Variants in BCAS3 observed in about 807,000 individuals in gnomAD.
BCAS3 encodes the protein BCAS3 microtubule associated cell migration factor, also known as BCAS4/BCAS3 fusion.
In BCAS3, 53 loss-of-function variants were observed where a neutral mutation model predicts 116.1. The ratio of observed to expected loss-of-function variants is 0.46; its 90% CI spans 0.37 to 0.57. The LOEUF is 0.57. BCAS3 is among the 20% of genes least tolerant of loss of function. BCAS3 has a pLI of 0.00. For synonymous variants in BCAS3, 391 were observed against 408.2 expected, an observed-to-expected ratio of 0.96 and a Z score of 0.51; for missense variants, 917 against 1,165.4, an observed-to-expected ratio of 0.79 and a Z score of 3.10.
intron 7 of BCAS3, among the ~76,000 whole-genome samples, chr17:60,832,005 A>T (rs535059323): frequency 1.3e-5 from 2 of 152,270 alleles, no homozygotes; most frequent in South Asian, 4.2e-4. Flanking sequence ...ATGATGATGA[A>T]AACAGCTGCA....
chr17:61,238,618 G>A (rs1373779379), intron 22 of BCAS3, among the ~76,000 whole-genome samples: 1 of 152,098 alleles, frequency 6.6e-6, no homozygotes, highest in Non-Finnish European at 1.5e-5. Context: ...AGCTGGCTTT[G>A]GCAGGTCTTA....
intron 6 of BCAS3, among the ~76,000 whole-genome samples, chr17:60,784,213 A>G (rs909277502): frequency 6.7e-6 from 1 of 149,820 alleles, no homozygotes; most frequent in Non-Finnish European, 1.5e-5. Flanking sequence ...GAAAGGGTCT[A>G]TATGTAAAAT....
intron 9 of BCAS3, among the ~76,000 whole-genome samples, chr17:60,875,443 A>C (rs1348388134): frequency 6.6e-6 from 1 of 152,120 alleles, no homozygotes; most frequent in Non-Finnish European, 1.5e-5. Context: ...CAGAATCAGT[A>C]TAGAAGTTGG....
intron 22 of BCAS3, among the ~76,000 whole-genome samples, chr17:61,271,831 A>G (rs2050305013): frequency 6.6e-6 from 1 of 151,908 alleles, no homozygotes; most frequent in Non-Finnish European, 1.5e-5. Context: ...TTTTGTTTGA[A>G]CAAGGTCTCT....
chr17:61,228,668 C>A lies in BCAS3; in HGVS notation c.2426-139659C>A, dbSNP rs1029260936. The stretch of plus-strand genomic sequence containing the variant: ...CGTTTGGGGGCACCCTCAAGCTATG[C>A]CCATGTAAAACAGCAAACTTAATAA... On this transcript the variant is annotated intron_variant, in intron 22 of 23. Transcript: ENST00000407086. The surrounding 1 kb of genome is among the most constrained non-coding windows in gnomAD (Gnocchi z 5.0). Among the ~76,000 whole-genome samples, 13 of 152,266 alleles carry A rather than the reference C, an allele frequency of 8.5e-5. No individual in the cohort carries two copies. The highest frequency in any genetic ancestry group is 3.1e-4 in the African/African-American group (13 of 41,562).
chr17:60,822,457 T>C (rs1382088753), intron 7 of BCAS3, among the ~76,000 whole-genome samples: 3 of 152,234 alleles, frequency 2.0e-5, no homozygotes, highest in Non-Finnish European at 4.4e-5. Context: ...CTGCAATTGC[T>C]ACAGACTTAC....
chr17:60,917,168 ATAT>A (rs1414809010), intron 12 of BCAS3, among the ~76,000 whole-genome samples: 7 of 152,252 alleles, frequency 4.6e-5, no homozygotes, highest in African/African-American at 1.4e-4. Flanking sequence ...AAACAATATA[ATAT>A]TATTTAACAA....
chr17:61,277,570 G>A (rs143537165), intron 22 of BCAS3, among the ~76,000 whole-genome samples: 1 of 152,000 alleles, frequency 6.6e-6, no homozygotes, highest in Non-Finnish European at 1.5e-5. Flanking sequence ...CCCACAAAAT[G>A]GGAGAAAATT....
chr17:60,786,371 T>C (rs1317987933), intron 6 of BCAS3, among the ~76,000 whole-genome samples: 1 of 151,840 alleles, frequency 6.6e-6, no homozygotes, highest in African/African-American at 2.4e-5. Context: ...AAAAGTATTG[T>C]TTTAGCTGGG....
intron 22 of BCAS3, among the ~76,000 whole-genome samples, chr17:61,284,414 C>T (rs1209964411): frequency 1.3e-5 from 2 of 152,164 alleles, no homozygotes; most frequent in Non-Finnish European, 2.9e-5. Flanking sequence ...GACCACGAAC[C>T]GACCGGAAGG....
chr17:60,941,671 A>G (rs1033729951), intron 13 of BCAS3, among the ~76,000 whole-genome samples: 3 of 152,220 alleles, frequency 2.0e-5, no homozygotes, highest in African/African-American at 4.8e-5. Flanking sequence ...GATAATAGGC[A>G]TAATTTTTTA....
chr17:60,948,091 T>A (rs1002444577), intron 14 of BCAS3, among the ~76,000 whole-genome samples: 2 of 152,068 alleles, frequency 1.3e-5, no homozygotes, highest in Middle Eastern at 3.4e-3. Flanking sequence ...TTATTTAATT[T>A]TTAATTTTTA....
intron 12 of BCAS3, among the ~76,000 whole-genome samples, chr17:60,919,307 G>A (rs1482733757): frequency 1.3e-5 from 2 of 152,024 alleles, no homozygotes; most frequent in Non-Finnish European, 2.9e-5. Flanking sequence ...TGATGTCTGT[G>A]CATCAGGTAT....
At chr17:61,174,259 C>G (rs913123443) in intron 22 of BCAS3, among the ~76,000 whole-genome samples, 3 of 152,174 alleles carry the variant, frequency 2.0e-5, no homozygotes, top group African/African-American at 7.2e-5. Context: ...AAACAGATCT[C>G]AAGAGACTTA....
chr17:61,027,547 C>A, intron 16 of BCAS3: 1 of 275,972 alleles, frequency 3.6e-6, no homozygotes, highest in Non-Finnish European at 7.1e-6. Context: ...CAGTCTTAGA[C>A]AGGAAGGTCA....
At chr17:61,238,533 C>T (rs955212477) in intron 22 of BCAS3, among the ~76,000 whole-genome samples, 3 of 151,964 alleles carry the variant, frequency 2.0e-5, no homozygotes, top group Non-Finnish European at 4.4e-5. Flanking sequence ...AAGAGTATTT[C>T]TGCTTGACCA....
In BCAS3 at chr17:61,108,690, GA is replaced by G. The variant is rs375280689; in HGVS notation, c.2425+24127del. Among the ~76,000 whole-genome samples, 106 of 150,548 alleles carry G rather than the reference GA, an allele frequency of 7.0e-4. 2 individuals carry two copies. The East Asian group carries it at 0.02, about 29-fold the overall frequency. ...TAAGTTCTTTGGTGGTGATTTCTGA[GA>G]TTTTTGGTGCACCCATCACCCGAGC... is the stretch of plus-strand genomic sequence containing the variant. On this transcript the variant is annotated intron_variant, in intron 22 of 23. Transcript: ENST00000407086.
At chr17:60,889,923 A>G (rs1370854373) in intron 10 of BCAS3, 152 bp downstream of exon 10, 1 of 701,718 alleles carries the variant, frequency 1.4e-6, no homozygotes, top group Non-Finnish European at 2.4e-6. Flanking sequence ...TGTGCAACTA[A>G]TAATTGAACT....
chr17:61,178,372 A>T lies in BCAS3; in HGVS notation c.2425+93808A>T, dbSNP rs569605956. Among the ~76,000 whole-genome samples, 51 of 152,294 alleles carry T rather than the reference A, an allele frequency of 3.3e-4. No individual in the cohort carries two copies. The Middle Eastern group carries it at 0.014, about 41-fold the overall frequency. On this transcript the variant is annotated intron_variant, in intron 22 of 23. Coordinates refer to ENST00000407086, the MANE Select transcript of BCAS3 (RefSeq NM_017679.5). ...TAATCAATTAGGACTCTCCAGCTGC[A>T]TACAGAGTTTTACCCATCCAATCAC...
Sources: allele counts gnomAD v4.1 joint callset (sites outside exome capture counted in the v4.1 genomes callset), GRCh38; gene constraint gnomAD v4.1.1; non-coding constraint Gnocchi (gnomAD v3.1); transcripts MANE v1.5; gene names NCBI Gene and HGNC (gene_info 2026-07-23, HGNC 2026-07-21).